Variants in MARCHF1 observed in about 807,000 individuals in gnomAD.
MARCHF1 encodes the protein membrane associated ring-CH-type finger 1.
MARCHF1 carries 40 observed loss-of-function variants against 54.2 expected under a neutral mutation model. The observed-to-expected ratio is 0.74, with a 90% CI of 0.57 to 0.96. The LOEUF is 0.96. MARCHF1 is among the 40% of genes least tolerant of loss of function. MARCHF1 has a pLI of 0.00. For missense variants in MARCHF1, 586 were observed against 656.5 expected (o/e 0.89, Z 1.17); for synonymous variants, 236 against 236.3 (o/e 1.00, Z 0.01).
rs373696438 is a variant in MARCHF1 at position 163,605,562 on chromosome 4, ACC to A, written c.1010+6707_1010+6708del. ...CCAGCAATCCCATTACTGGGTATAT[ACC>A]CAAAGGATTATAAATCATTCTACTA... On this transcript the variant is annotated intron_variant, in intron 7 of 9. Transcript: ENST00000514618. Among the ~76,000 whole-genome samples, 3 of 152,268 alleles carry A rather than the reference ACC, an allele frequency of 2.0e-5. 1 individual carries two copies. Among genetic ancestry groups the A allele is most frequent in the African/African-American group, 7.2e-5 (3 of 41,570 alleles).
intron 7 of MARCHF1, among the ~76,000 whole-genome samples, chr4:163,606,291 T>C (rs566764030): frequency 1.3e-5 from 2 of 152,166 alleles, no homozygotes; most frequent in South Asian, 4.1e-4. Flanking sequence ...GCAAGTCTAC[T>C]CTCTTAGCAT....
At chr4:163,832,793 T>A (rs1270824976) in intron 4 of MARCHF1, among the ~76,000 whole-genome samples, 1 of 138,624 alleles carries the variant, frequency 7.2e-6, no homozygotes. Context: ...CCTGTGTCCA[T>A]GTGTTCTCAT....
chr4:163,550,787 C>T (rs1739085340), intron 8 of MARCHF1, among the ~76,000 whole-genome samples: 1 of 152,170 alleles, frequency 6.6e-6, no homozygotes, highest in African/African-American at 2.4e-5. Context: ...GGAGAAATTT[C>T]TAGAGGACCC....
Position 164,312,319 on chromosome 4 carries a change from C to CTTTTTTTTT in MARCHF1, c.-323+71542_-323+71550dup, listed in dbSNP as rs34613860. ...AGCACCTGTGAATTATTTTCTTTTT[C>CTTTTTTTTT]TTTTTTTTTTTTTTTTTTTTTGAGA... On this transcript the variant is annotated intron_variant, in intron 1 of 9. Transcript: ENST00000514618. Among the ~76,000 whole-genome samples the CTTTTTTTTT allele has an allele frequency of 4.3e-3, 443 of 103,394 alleles. 2 individuals carry two copies. The highest frequency in any genetic ancestry group is 5.5e-3 in the Non-Finnish European group (298 of 53,802). The allele number at this position is 103,394 out of a possible 152,430, so 67.8% of individuals were successfully genotyped here. A position where few individuals can be genotyped will look rare whatever the true frequency, so the allele number is the denominator to read the frequency against.
intron 5 of MARCHF1, among the ~76,000 whole-genome samples, chr4:163,636,097 A>T (rs1164646117): frequency 6.6e-6 from 1 of 152,230 alleles, no homozygotes; most frequent in Non-Finnish European, 1.5e-5. Flanking sequence ...ACGTATTTCA[A>T]AACAATAAGA....
chr4:163,675,423 G>A lies in MARCHF1; in HGVS notation c.162+25390C>T, dbSNP rs1402028247. The stretch of plus-strand genomic sequence containing the variant: ...AAGGCGCTACAAATATCAGGGGAAC[G>A]TGGGGTAGCCAAATTCTTCAGCAAC... On this transcript the variant is annotated intron_variant, in intron 5 of 9. Coordinates refer to ENST00000514618, the MANE Select transcript of MARCHF1 (RefSeq NM_001394959.1). Among the ~76,000 whole-genome samples, 5 of 152,188 alleles carry A rather than the reference G, an allele frequency of 3.3e-5. No homozygotes were observed. In the East Asian group the frequency reaches 7.7e-4, roughly 23 times the overall value.
At chr4:163,995,381 G>A (rs1225094186) in intron 2 of MARCHF1, among the ~76,000 whole-genome samples, 8 of 151,974 alleles carry the variant, frequency 5.3e-5, no homozygotes, top group Non-Finnish European at 1.2e-4. Flanking sequence ...AGTCCTTCTG[G>A]GTTTTTATGA....
intron 5 of MARCHF1, among the ~76,000 whole-genome samples, chr4:163,628,699 G>A (rs1741960615): frequency 6.6e-6 from 1 of 152,176 alleles, no homozygotes; most frequent in Non-Finnish European, 1.5e-5. Flanking sequence ...CTTCAGCAAA[G>A]TCTTAGGATA....
chr4:163,698,807 T>C (rs76746820), intron 5 of MARCHF1, among the ~76,000 whole-genome samples: 4,498 of 152,252 alleles, frequency 0.03, 73 homozygotes, highest in East Asian at 0.076. Context: ...GTCAGTACTG[T>C]TTACAAGTTT....
At chr4:163,578,470 C>G (rs950942192) in intron 8 of MARCHF1, among the ~76,000 whole-genome samples, 2 of 152,154 alleles carry the variant, frequency 1.3e-5, no homozygotes, top group African/African-American at 2.4e-5. Context: ...TTTAAAGCTA[C>G]TTTGTGACAG....
At chr4:163,908,160 T>C (rs1751111729) in intron 3 of MARCHF1, among the ~76,000 whole-genome samples, 1 of 152,178 alleles carries the variant, frequency 6.6e-6, no homozygotes, top group Non-Finnish European at 1.5e-5. Flanking sequence ...ACTCAGACTA[T>C]ATTCTATCCA....
Position 163,526,902 on chromosome 4 carries a change from C to G in MARCHF1, c.*1846G>C, listed in dbSNP as rs970028921. On this transcript the variant is annotated 3_prime_UTR_variant, in exon 10 of 10. Transcript: ENST00000514618. Reference sequence around the variant, plus strand: ...TTTCTAGGAATCAAGACTATCTGGACTCAGTGTCAGCCACTACTAATATTT... The same window carrying G: ...TTTCTAGGAATCAAGACTATCTGGAGTCAGTGTCAGCCACTACTAATATTT... The G allele has an allele frequency of 6.6e-6, 1 of 151,856 alleles. No homozygotes were observed. 9.4% of individuals were successfully genotyped at this position (151,856 alleles called of 1,614,324 possible).
intron 3 of MARCHF1, among the ~76,000 whole-genome samples, chr4:163,932,286 T>C (rs924414186): frequency 4.6e-5 from 7 of 152,156 alleles, no homozygotes; most frequent in African/African-American, 1.4e-4. Flanking sequence ...ATTTGCCACA[T>C]TGACTGACTC....
intron 3 of MARCHF1, among the ~76,000 whole-genome samples, chr4:163,937,253 T>C (rs76220384): frequency 2.0e-5 from 3 of 152,086 alleles, no homozygotes; most frequent in East Asian, 1.9e-4. Flanking sequence ...AATACATACA[T>C]ATACATACAA....
Position 163,612,510 on chromosome 4 carries a change from G to C in MARCHF1, c.771C>G (p.Ser257=). 6.5e-7 allele frequency: 1 copy of C among 1,535,152 alleles called. No individual in the cohort carries two copies. The highest frequency in any genetic ancestry group is 8.7e-7 in the Non-Finnish European group (1 of 1,146,458). Residue 257 remains serine (S), a synonymous_variant, in exon 7 of 10, where the codon TCC becomes TCG. Transcript: ENST00000514618. ...CTTTGCTCTTCTCATGATTCCTTGA[G>C]GATCTCTTAATTTCAGAGGACCCTT... ...LTQGSSEIKR[S]SRNHEKSKGR...
chr4:164,087,704 TA>T (rs1755218528), intron 2 of MARCHF1, among the ~76,000 whole-genome samples: 1 of 152,180 alleles, frequency 6.6e-6, no homozygotes. Flanking sequence ...CTAATTTGTC[TA>T]TACTACAAAT....
intron 4 of MARCHF1, among the ~76,000 whole-genome samples, chr4:163,753,541 G>A (rs1396382444): frequency 1.3e-5 from 2 of 152,152 alleles, no homozygotes; most frequent in East Asian, 1.9e-4. Flanking sequence ...AACCTGGGAT[G>A]GGGGGTGAGA....
chr4:163,809,434 C>T (rs1288886087), intron 4 of MARCHF1, among the ~76,000 whole-genome samples: 1 of 152,148 alleles, frequency 6.6e-6, no homozygotes, highest in Non-Finnish European at 1.5e-5. Context: ...AAAATAGCAT[C>T]CTAGTCATAA....
At chr4:163,955,547 T>A (rs1440265335) in intron 3 of MARCHF1, among the ~76,000 whole-genome samples, 1 of 152,090 alleles carries the variant, frequency 6.6e-6, no homozygotes, top group Non-Finnish European at 1.5e-5. Flanking sequence ...GTGCTTCTCA[T>A]GTCTGTGCCC....
Sources: gnomAD v4.1 joint callset for allele counts (sites outside exome capture counted in the v4.1 genomes callset) on GRCh38, gnomAD v4.1.1 for gene constraint, MANE v1.5 for transcripts, NCBI Gene and HGNC (gene_info 2026-07-23, HGNC 2026-07-21) for gene names.